SYT16: variants seen among roughly 807,000 people sequenced by gnomAD.
SYT16 encodes synaptotagmin 16, also known as synaptotagmin-16.
Under a neutral mutation model 61.4 loss-of-function variants are expected in SYT16, and 42 were observed. The observed-to-expected ratio is 0.68, with a 90% CI of 0.53 to 0.89. SYT16 has a LOEUF of 0.89. Among genes scored for constraint, SYT16 ranks in the 40% least tolerant of loss-of-function variants. The pLI is 0.00. For missense variants in SYT16, 804 were observed against 807.3 expected (o/e 1.00, Z 0.05); for synonymous variants, 314 against 302.3 (o/e 1.04, Z -0.40).
chr14:61,982,604 G>C (rs1299543096), intron 2 of SYT16, among the ~76,000 whole-genome samples: 2 of 152,150 alleles, frequency 1.3e-5, no homozygotes, highest in African/African-American at 4.8e-5. Context: ...TTCAAGAAGA[G>C]ATTTGGGTGG....
chr14:61,882,220 T>A (rs1330441266), intron 1 of SYT16, among the ~76,000 whole-genome samples: 1 of 152,124 alleles, frequency 6.6e-6, no homozygotes, highest in African/African-American at 2.4e-5. Flanking sequence ...GAACAAAGGA[T>A]AATAAACAAG....
At chr14:62,058,691 G>T (rs1386868853) in intron 3 of SYT16, among the ~76,000 whole-genome samples, 1 of 152,092 alleles carries the variant, frequency 6.6e-6, no homozygotes, top group African/African-American at 2.4e-5. Context: ...GCCAAATAGT[G>T]TTCAAAAGTA....
In SYT16 at chr14:62,081,172, C is replaced by A; in HGVS notation, c.1332C>A (p.Thr444=). 6.2e-7 allele frequency: 1 copy of A among 1,613,878 alleles called. No individual in the cohort carries two copies. The highest frequency in any genetic ancestry group is 8.5e-7 in the Non-Finnish European group (1 of 1,179,876). The change falls in exon 6 of 8, where the codon ACC becomes ACA. Residue 444 remains threonine, a synonymous_variant. Coordinates refer to ENST00000683842, the MANE Select transcript of SYT16 (RefSeq NM_001367656.1). ...RFRLYAARKM[T]RERMMGEKLF... ...GCCTGTACGCTGCCCGGAAGATGAC[C>A]CGAGAGAGAATGATGGGAGAGAAAC...
chr14:61,830,016 C>G (rs1289359308), intron 1 of SYT16, among the ~76,000 whole-genome samples: 1 of 151,884 alleles, frequency 6.6e-6, no homozygotes, highest in East Asian at 1.9e-4. Flanking sequence ...TGCCACTGAG[C>G]CCAGCTAGTG....
chr14:61,995,029 A>G (rs368693367), intron 2 of SYT16, among the ~76,000 whole-genome samples: 13 of 152,294 alleles, frequency 8.5e-5, no homozygotes, highest in South Asian at 2.1e-4. Context: ...GTTGATGAAC[A>G]CTGTAATAGC....
intron 1 of SYT16, among the ~76,000 whole-genome samples, chr14:61,885,999 C>T (rs1211930648): frequency 6.8e-6 from 1 of 146,898 alleles, no homozygotes; most frequent in Non-Finnish European, 1.5e-5. Context: ...GAGTCTTGCT[C>T]TGTCGCCCAG....
chr14:62,013,837 A>C (rs2053560216), intron 3 of SYT16, among the ~76,000 whole-genome samples: 1 of 152,010 alleles, frequency 6.6e-6, no homozygotes, highest in Non-Finnish European at 1.5e-5. Context: ...AGTGGTGGGC[A>C]CCTGTAGTCC....
At chr14:61,867,023 G>A (rs765641510) in intron 1 of SYT16, among the ~76,000 whole-genome samples, 7 of 151,384 alleles carry the variant, frequency 4.6e-5, no homozygotes, top group African/African-American at 1.7e-4. Context: ...TTTCCCGGTT[G>A]CATTATCTAG....
In SYT16 at chr14:61,929,463, G is replaced by A. The variant is rs61993173; in HGVS notation, c.-324-40669G>A. On this transcript the variant is annotated intron_variant, in intron 1 of 7. Transcript: ENST00000683842. ...GATGTGCAAGGGATATTAACCTGGC[G>A]GTCGTGCCTAGCAACACCCCGCTGC... 7.0e-3 allele frequency among the ~76,000 whole-genome samples: 1,072 copies of A among 152,278 alleles called. 9 individuals are homozygous for A. The highest frequency in any genetic ancestry group is 9.8e-3 in the Non-Finnish European group (668 of 68,020).
At chr14:62,063,648 C>G (rs1211170460) in intron 3 of SYT16, among the ~76,000 whole-genome samples, 1 of 152,186 alleles carries the variant, frequency 6.6e-6, no homozygotes, top group East Asian at 1.9e-4. Flanking sequence ...TAAGACCCCA[C>G]CATCCCGTCT....
intron 1 of SYT16, among the ~76,000 whole-genome samples, chr14:61,967,510 T>C (rs2051361988): frequency 6.6e-6 from 1 of 152,144 alleles, no homozygotes; most frequent in South Asian, 2.1e-4. Context: ...TCCGTGCCTG[T>C]CTCCTAGCTT....
At chr14:61,836,774 A>G (rs2046143997) in intron 1 of SYT16, among the ~76,000 whole-genome samples, 1 of 152,250 alleles carries the variant, frequency 6.6e-6, no homozygotes, top group African/African-American at 2.4e-5. Context: ...CCATTCAGTC[A>G]TAGGTAACCT....
At chr14:61,983,690 T>C (rs1365064984) in intron 2 of SYT16, among the ~76,000 whole-genome samples, 2 of 152,030 alleles carry the variant, frequency 1.3e-5, no homozygotes, top group African/African-American at 4.8e-5. Context: ...CACACCAAGT[T>C]AATTTTTCTA....
At chr14:61,986,420 CTTTTTTA>C (rs1198646785) in intron 2 of SYT16, among the ~76,000 whole-genome samples, 1 of 149,786 alleles carries the variant, frequency 6.7e-6, no homozygotes, top group Non-Finnish European at 1.5e-5. Flanking sequence ...AGAACAGGTA[CTTTTTTA>C]TTTTTTATTT....
chr14:61,858,392 AG>A (rs1230401512), intron 1 of SYT16, among the ~76,000 whole-genome samples: 1 of 152,190 alleles, frequency 6.6e-6, no homozygotes, highest in African/African-American at 2.4e-5. Flanking sequence ...TGGAATAAAA[AG>A]ATCATCTTGA....
At chr14:61,923,151 A>G (rs2049404895) in intron 1 of SYT16, among the ~76,000 whole-genome samples, 1 of 152,196 alleles carries the variant, frequency 6.6e-6, no homozygotes, top group African/African-American at 2.4e-5. Context: ...TTATGTAGAA[A>G]ATTATTAGGG....
chr14:61,994,194 C>T (rs2052672621), intron 2 of SYT16, among the ~76,000 whole-genome samples: 1 of 152,190 alleles, frequency 6.6e-6, no homozygotes, highest in Non-Finnish European at 1.5e-5. Context: ...GAGAAATTCA[C>T]AATCCCCCAT....
intron 3 of SYT16, among the ~76,000 whole-genome samples, chr14:62,014,348 T>A (rs960409790): frequency 1.2e-4 from 19 of 152,130 alleles, no homozygotes; most frequent in African/African-American, 4.6e-4. Context: ...CTTGCCTATA[T>A]TTTGTTCAGT....
Position 62,081,052 on chromosome 14 carries a change from G to T in SYT16, c.1212G>T (p.Thr404=), listed in dbSNP as rs200293604. ...CTGGTAAGAAACACAGGGGCAGGAC[G>T]AACATACAGAGAGGGCCCAACCCCG... is the stretch of plus-strand genomic sequence containing the variant. ...LLPGKKHRGR[T]NIQRGPNPVF... is the part of the protein sequence containing the mutation. The change falls in exon 6 of 8, where the codon ACG becomes ACT. Residue 404 remains threonine, a synonymous_variant. Coordinates refer to ENST00000683842, the MANE Select transcript of SYT16 (RefSeq NM_001367656.1). The T allele has an allele frequency of 3.1e-6, 5 of 1,613,524 alleles. No individual in the cohort carries two copies. The South Asian group carries it at 5.5e-5, about 18-fold the overall frequency.
Sources: allele counts gnomAD v4.1 joint callset (sites outside exome capture counted in the v4.1 genomes callset), GRCh38; gene constraint gnomAD v4.1.1; transcripts MANE v1.5; gene names NCBI Gene and HGNC (gene_info 2026-07-23, HGNC 2026-07-21).